Variants in PITPNA observed in about 807,000 individuals in gnomAD.
PITPNA encodes phosphatidylinositol transfer protein alpha isoform.
PITPNA carries 13 observed loss-of-function variants against 50.3 expected under a neutral mutation model. The observed-to-expected ratio is 0.26, with a 90% CI of 0.17 to 0.41. The LOEUF (loss-of-function observed/expected upper bound fraction) is 0.41. Ranked by LOEUF, PITPNA falls within the 10% of genes least tolerant of loss-of-function variation. The probability of loss-of-function intolerance (pLI) is 1.00; values close to 1 mark genes in which losing one functional copy is unlikely to be tolerated. For missense variants in PITPNA, 207 were observed against 333.4 expected (o/e 0.62, Z 2.95); for synonymous variants, 120 against 119.6 (o/e 1.00, Z -0.02).
In PITPNA at chr17:1,562,297, C is replaced by T. The variant is rs2075772461; in HGVS notation, c.20+244G>A. On this transcript the variant is annotated intron_variant, in intron 1 of 11. Transcript: ENST00000313486. This position sits in a 1 kb window ranked among gnomAD's most constrained non-coding sequence, Gnocchi z 6.4. ...GGCCCCGGCTCAGATGCCGAACGCC[C>T]CGGCTGCCCCTCCACGCCCCGGCCG... Among the ~76,000 whole-genome samples the T allele has an allele frequency of 6.6e-6, 1 of 151,736 alleles. No individual in the cohort carries two copies. The highest frequency in any genetic ancestry group is 2.1e-4 in the South Asian group (1 of 4,816).
In PITPNA at chr17:1,562,670, C is replaced by G; in HGVS notation, c.-110G>C. 1 of 734,338 alleles carries G rather than the reference C, an allele frequency of 1.4e-6. No homozygotes were observed. The highest frequency in any genetic ancestry group is 1.8e-6 in the Non-Finnish European group (1 of 568,182). 45.5% of individuals were successfully genotyped at this position (734,338 alleles called of 1,614,324 possible). ...GGCCCGGCTGCCTGTGCGTCTTCGT[C>G]GTGCTCTGCTCCGTCCCCGCCGCCC... is the stretch of plus-strand genomic sequence containing the variant. On this transcript the variant is annotated 5_prime_UTR_variant, in exon 1 of 12. Transcript: ENST00000313486. This position sits in a 1 kb window ranked among gnomAD's most constrained non-coding sequence, Gnocchi z 6.4.
chr17:1,527,321 G>A (rs377221767), intron 10 of PITPNA, among the ~76,000 whole-genome samples: 21 of 152,058 alleles, frequency 1.4e-4, no homozygotes, highest in Non-Finnish European at 2.5e-4. Flanking sequence ...TCAGCTCACC[G>A]CAATCTCTGC....
chr17:1,536,280 GTTTT>G (rs11358582), intron 7 of PITPNA, among the ~76,000 whole-genome samples: 1 of 143,598 alleles, frequency 7.0e-6, no homozygotes, highest in East Asian at 2.0e-4. Flanking sequence ...AAGCTGAGAA[GTTTT>G]TTTTTTTTTT....
At chr17:1,524,314 G>A (rs1187021388) in intron 10 of PITPNA, among the ~76,000 whole-genome samples, 2 of 148,308 alleles carry the variant, frequency 1.3e-5, no homozygotes, top group African/African-American at 2.5e-5. Flanking sequence ...AAAGTGCTGG[G>A]ATTACAGGCG....
In PITPNA at chr17:1,519,220, T is replaced by C. The variant is rs2075493702; in HGVS notation, c.*1341A>G. ...CTCCCATTAGCAGATGCACCCAGGC[T>C]AGTGTGGGCTGGGATCACGGCACAC... On this transcript the variant is annotated 3_prime_UTR_variant, in exon 12 of 12. Transcript: ENST00000313486. 1.3e-5 allele frequency: 2 copies of C among 152,426 alleles called. No homozygotes were observed. Among genetic ancestry groups the C allele is most frequent in the South Asian group, 4.1e-4 (2 of 4,830 alleles). 9.4% of individuals were successfully genotyped at this position (152,426 alleles called of 1,614,324 possible).
At chr17:1,534,984 A>G (rs1598406497) in intron 9 of PITPNA, among the ~76,000 whole-genome samples, 198 bp downstream of exon 9, 1 of 151,992 alleles carries the variant, frequency 6.6e-6, no homozygotes, top group Admixed American at 6.6e-5. Context: ...CCCCCACCGC[A>G]CACACACGCA....
At chr17:1,540,036 C>T (rs1317576187) in intron 6 of PITPNA, among the ~76,000 whole-genome samples, 2 of 152,230 alleles carry the variant, frequency 1.3e-5, no homozygotes, top group Middle Eastern at 3.2e-3. Flanking sequence ...TGACTGAGAA[C>T]GAATGCTCTG....
At position 1,552,906 on chromosome 17, in the gene PITPNA, A is replaced by G. The variant is rs2075716857; in HGVS notation, c.197+98T>C. The G allele has an allele frequency of 2.5e-6, 3 of 1,217,940 alleles. No homozygotes were observed. In the South Asian group the frequency reaches 3.9e-5, roughly 16 times the overall value. 75.4% of individuals were successfully genotyped at this position (1,217,940 alleles called of 1,614,324 possible). On this transcript the variant is annotated intron_variant, in intron 3 of 11. Transcript: ENST00000313486. ...AACTATTAATTGTTAGGATATAACA[A>G]TTAGTATAATCCCATCTATATAAAA...
chr17:1,536,894 ATTTTTTTTT>A (rs35841957), intron 7 of PITPNA, among the ~76,000 whole-genome samples: 3 of 98,306 alleles, frequency 3.1e-5, no homozygotes, highest in Non-Finnish European at 6.0e-5. Flanking sequence ...TGTCCGGCCG[ATTTTTTTTT>A]TTTTTTTTTT....
chr17:1,531,593 G>T (rs1312040741), intron 10 of PITPNA, among the ~76,000 whole-genome samples: 1 of 151,890 alleles, frequency 6.6e-6, no homozygotes, highest in Non-Finnish European at 1.5e-5. Context: ...TGAGGCTGCA[G>T]TGAGCTATGA....
intron 10 of PITPNA, among the ~76,000 whole-genome samples, chr17:1,531,642 G>A (rs1249266970): frequency 1.3e-5 from 2 of 151,516 alleles, no homozygotes; most frequent in African/African-American, 4.9e-5. Flanking sequence ...CAGCTTGGGT[G>A]ACAGAACACA....
At position 1,519,336 on chromosome 17, in the gene PITPNA, G is replaced by A. The variant is rs1328921626; in HGVS notation, c.*1225C>T. Reference sequence around the variant, plus strand: ...CCACTAAGAGGCAAACTCAGGCTCTGTCAAGTTGCAGGAAGCTATGAACAC... The same window carrying A: ...CCACTAAGAGGCAAACTCAGGCTCTATCAAGTTGCAGGAAGCTATGAACAC... On this transcript the variant is annotated 3_prime_UTR_variant, in exon 12 of 12. Coordinates refer to ENST00000313486, the MANE Select transcript of PITPNA (RefSeq NM_006224.4). 1.3e-5 allele frequency: 2 copies of A among 152,228 alleles called. No individual in the cohort carries two copies. Among genetic ancestry groups the A allele is most frequent in the Middle Eastern group, 3.1e-3 (1 of 318 alleles). The allele number at this position is 152,228 out of a possible 1,614,324, so 9.4% of individuals were successfully genotyped here.
In PITPNA at chr17:1,531,292, C is replaced by T. The variant is rs527286714; in HGVS notation, c.768+2807G>A. Among the ~76,000 whole-genome samples the T allele has an allele frequency of 9.3e-4, 142 of 152,096 alleles. 1 individual carries two copies. The Middle Eastern group carries it at 0.01, about 11-fold the overall frequency. Reference sequence around the variant, plus strand: ...CTCTATAGGGAAAGTGACAAGCCTCCGTGAAAAAAAGACTCGAAGTCCTGA... The same window carrying T: ...CTCTATAGGGAAAGTGACAAGCCTCTGTGAAAAAAAGACTCGAAGTCCTGA... On this transcript the variant is annotated intron_variant, in intron 10 of 11. Transcript: ENST00000313486.
Position 1,562,723 on chromosome 17 carries a change from C to A in PITPNA, c.-163G>T, listed in dbSNP as rs2075774875. The A allele has an allele frequency of 1.1e-5, 3 of 270,410 alleles. No individual in the cohort carries two copies. The highest frequency in any genetic ancestry group is 1.7e-5 in the Non-Finnish European group (3 of 173,476). 16.8% of individuals were successfully genotyped at this position (270,410 alleles called of 1,614,324 possible). ...GCCGCGGTCGCCGCGCCGGCTCCTG[C>A]CGCCCGGGCCTCGTCGCCTCTCGCG... is the stretch of plus-strand genomic sequence containing the variant. On this transcript the variant is annotated 5_prime_UTR_variant, in exon 1 of 12. Coordinates refer to ENST00000313486, the MANE Select transcript of PITPNA (RefSeq NM_006224.4). The surrounding 1 kb of genome is among the most constrained non-coding windows in gnomAD (Gnocchi z 6.4).
chr17:1,532,177 T>C (rs545245489), intron 10 of PITPNA, among the ~76,000 whole-genome samples: 1 of 152,304 alleles, frequency 6.6e-6, no homozygotes, highest in African/African-American at 2.4e-5. Context: ...AACCTCTGCC[T>C]CCTGGGTTCA....
chr17:1,537,708 C>T (rs780548484), intron 7 of PITPNA, among the ~76,000 whole-genome samples: 1 of 152,104 alleles, frequency 6.6e-6, no homozygotes, highest in Non-Finnish European at 1.5e-5. Context: ...TTGAAAAATC[C>T]ACCAACGTTT....
intron 7 of PITPNA, among the ~76,000 whole-genome samples, chr17:1,537,061 G>C (rs1015378200): frequency 2.0e-5 from 3 of 149,730 alleles, no homozygotes; most frequent in Non-Finnish European, 4.4e-5. Context: ...ACCACGCCCA[G>C]CTAATTTTGT....
chr17:1,526,627 A>AT (rs1403816423), intron 10 of PITPNA, among the ~76,000 whole-genome samples: 1 of 152,234 alleles, frequency 6.6e-6, no homozygotes, highest in Non-Finnish European at 1.5e-5. Flanking sequence ...ACCTGGCTTC[A>AT]GTTACTAATG....
chr17:1,544,501 C>A (rs1323419094), intron 4 of PITPNA, among the ~76,000 whole-genome samples: 1 of 152,228 alleles, frequency 6.6e-6, no homozygotes, highest in Non-Finnish European at 1.5e-5. Context: ...AAACCTTCTC[C>A]AGCCCTCCCA....
Sources: gnomAD v4.1 joint callset for allele counts (sites outside exome capture counted in the v4.1 genomes callset) on GRCh38, gnomAD v4.1.1 for gene constraint, Gnocchi (gnomAD v3.1) non-coding constraint, MANE v1.5 for transcripts, NCBI Gene and HGNC (gene_info 2026-07-23, HGNC 2026-07-21) for gene names.